Variants in DNM3 observed in about 807,000 individuals in gnomAD.
The protein encoded by DNM3 is dynamin 3, also known as dynamin-3.
Under a neutral mutation model 101.6 loss-of-function variants are expected in DNM3, and 47 were observed. That is an observed-to-expected ratio of 0.46 (90% CI 0.37 to 0.59). DNM3 has a LOEUF of 0.59. DNM3 is among the 20% of genes least tolerant of loss of function. The pLI is 0.00. For synonymous variants in DNM3, 385 were observed against 387.9 expected (o/e 0.99, Z 0.09); for missense variants, 849 against 1,085.7 (o/e 0.78, Z 3.06).
At chr1:172,170,249 T>C (rs2058904623) in intron 14 of DNM3, among the ~76,000 whole-genome samples, 1 of 151,932 alleles carries the variant, frequency 6.6e-6, no homozygotes, top group Non-Finnish European at 1.5e-5. Flanking sequence ...GGAGGTGCCA[T>C]TAATATTCCC....
At chr1:172,246,363 A>C (rs2061953643) in intron 14 of DNM3, among the ~76,000 whole-genome samples, 1 of 152,150 alleles carries the variant, frequency 6.6e-6, no homozygotes, top group Non-Finnish European at 1.5e-5. Context: ...TTTAATATAT[A>C]GGACTTGTCA....
intron 10 of DNM3, among the ~76,000 whole-genome samples, chr1:172,059,873 G>A (rs2051014188): frequency 2.3e-4 from 20 of 88,112 alleles, no homozygotes; most frequent in Middle Eastern, 5.2e-3. Flanking sequence ...AGGAAATAAA[G>A]GGTATTCAGT....
chr1:171,873,796 C>T (rs2035515390), intron 1 of DNM3, among the ~76,000 whole-genome samples: 1 of 152,058 alleles, frequency 6.6e-6, no homozygotes, highest in Non-Finnish European at 1.5e-5. Context: ...TTTCTTTTTC[C>T]CCTCAATGAC....
At chr1:172,163,871 GTATA>G (rs1258514401) in intron 14 of DNM3, among the ~76,000 whole-genome samples, 1 of 140,140 alleles carries the variant, frequency 7.1e-6, no homozygotes, top group Non-Finnish European at 1.5e-5. Flanking sequence ...TTTCATATGT[GTATA>G]TGTATGTGTA....
chr1:172,342,088 A>G (rs544228521), intron 17 of DNM3, among the ~76,000 whole-genome samples: 1 of 152,312 alleles, frequency 6.6e-6, no homozygotes, highest in East Asian at 1.9e-4. Context: ...TATGGCTACT[A>G]TTAAAAAAAT....
intron 2 of DNM3, among the ~76,000 whole-genome samples, chr1:171,937,112 C>G (rs140753813): frequency 6.6e-6 from 1 of 152,296 alleles, no homozygotes; most frequent in East Asian, 1.9e-4. Context: ...TCTCTAGTTT[C>G]ATAAATTAGA....
intron 14 of DNM3, among the ~76,000 whole-genome samples, chr1:172,200,171 G>A (rs1239637301): frequency 6.6e-6 from 1 of 152,046 alleles, no homozygotes; most frequent in East Asian, 1.9e-4. Flanking sequence ...ACGAAGCTTA[G>A]TTTGGCTGTA....
chr1:172,300,505 G>C (rs2064393332), intron 15 of DNM3, among the ~76,000 whole-genome samples: 1 of 152,022 alleles, frequency 6.6e-6, no homozygotes, highest in Non-Finnish European at 1.5e-5. Flanking sequence ...TTCTTCTGAA[G>C]TTCCCCACCT....
intron 17 of DNM3, among the ~76,000 whole-genome samples, chr1:172,334,396 G>T (rs1248672039): frequency 1.3e-5 from 2 of 152,140 alleles, no homozygotes; most frequent in Non-Finnish European, 2.9e-5. Context: ...GGCATTTAGT[G>T]GGTTGAAGCC....
chr1:172,166,675 T>G (rs1238958369), intron 14 of DNM3, among the ~76,000 whole-genome samples: 1 of 152,108 alleles, frequency 6.6e-6, no homozygotes, highest in Admixed American at 6.6e-5. Flanking sequence ...GAATTAATTA[T>G]ATGAATAATT....
rs1572049330 is a variant in DNM3, at chr1:172,006,025, A to G, written c.589+16877A>G. Among the ~76,000 whole-genome samples the G allele has an allele frequency of 2.6e-5, 4 of 152,140 alleles. No individual in the cohort carries two copies. The South Asian group carries it at 8.3e-4, about 32-fold the overall frequency. On this transcript the variant is annotated intron_variant, in intron 4 of 20. Transcript: ENST00000627582. ...TTTGTGGTCAATAGTCACTAATATG[A>G]GGTATGTGTTCAGGATTCCAAATAG...
intron 14 of DNM3, among the ~76,000 whole-genome samples, chr1:172,197,011 G>C (rs535298524): frequency 1.3e-5 from 2 of 152,080 alleles, no homozygotes; most frequent in Non-Finnish European, 2.9e-5. Flanking sequence ...GCATTGCCTA[G>C]GTTGTATTCT....
chr1:172,022,252 C>G (rs992710631), intron 4 of DNM3, among the ~76,000 whole-genome samples: 2 of 151,974 alleles, frequency 1.3e-5, no homozygotes, highest in Admixed American at 6.6e-5. Context: ...CCTATATGAG[C>G]CTGGCACATA....
In DNM3 at chr1:172,204,253, G is replaced by A. The variant is rs770366549; in HGVS notation, c.1660-49320G>A. Among the ~76,000 whole-genome samples, 173 of 151,612 alleles carry A rather than the reference G, an allele frequency of 1.1e-3. 1 individual carries two copies. In the Middle Eastern group the frequency reaches 0.034, roughly 30 times the overall value. On this transcript the variant is annotated intron_variant, in intron 14 of 20. Coordinates refer to ENST00000627582, the MANE Select transcript of DNM3 (RefSeq NM_015569.5). ...TTGTTTTTAGTGATATTGTCTTCTAGAACCTTAACTATTTTGCATAAACTG... is the reference window on the plus strand; with the variant it reads ...TTGTTTTTAGTGATATTGTCTTCTAAAACCTTAACTATTTTGCATAAACTG...
intron 2 of DNM3, among the ~76,000 whole-genome samples, chr1:171,952,901 T>C (rs1026612250): frequency 6.6e-6 from 1 of 152,174 alleles, no homozygotes; most frequent in African/African-American, 2.4e-5. Context: ...TCATCATTAA[T>C]AGAACCAGTT....
At chr1:172,395,007 C>A (rs1384075083) in intron 20 of DNM3, among the ~76,000 whole-genome samples, 1 of 152,104 alleles carries the variant, frequency 6.6e-6, no homozygotes, top group African/African-American at 2.4e-5. Flanking sequence ...TACAGGGAAA[C>A]CTTCACATTC....
rs543667029 is a variant in DNM3 at position 171,921,883 on chromosome 1, A to C, written c.235+62A>C. On this transcript the variant is annotated intron_variant, in intron 2 of 20. Coordinates refer to ENST00000627582, the MANE Select transcript of DNM3 (RefSeq NM_015569.5). Reference sequence around the variant, plus strand: ...ATCCTGTGGCCCCTTTTGCCTTCATAGGTGTGGGATTGTACAAATAGAAAC... The same window carrying C: ...ATCCTGTGGCCCCTTTTGCCTTCATCGGTGTGGGATTGTACAAATAGAAAC... 33 of 1,460,928 alleles carry C rather than the reference A, an allele frequency of 2.3e-5. No homozygotes were observed. The South Asian group carries it at 3.8e-4, about 17-fold the overall frequency. 90.5% of individuals were successfully genotyped at this position (1,460,928 alleles called of 1,614,324 possible). A position where few individuals can be genotyped will look rare whatever the true frequency, so the allele number is the denominator to read the frequency against.
chr1:171,841,579 C>T lies in DNM3; in HGVS notation c.-78C>T. 1.3e-6 allele frequency: 2 copies of T among 1,527,008 alleles called. No homozygotes were observed. Among genetic ancestry groups the T allele is most frequent in the Admixed American group, 2.1e-5 (1 of 47,036 alleles). 94.6% of individuals were successfully genotyped at this position (1,527,008 alleles called of 1,614,324 possible). Reference sequence around the variant, plus strand: ...CTGAGCCCGGCGCAGCAGCAGCAGCCAGGGCAGCGCGGCCCCTACTCCCTG... The same window carrying T: ...CTGAGCCCGGCGCAGCAGCAGCAGCTAGGGCAGCGCGGCCCCTACTCCCTG... On this transcript the variant is annotated 5_prime_UTR_variant, in exon 1 of 21. Coordinates refer to ENST00000627582, the MANE Select transcript of DNM3 (RefSeq NM_015569.5).
At position 171,973,990 on chromosome 1, in the gene DNM3, G is replaced by GTT. The variant is rs369504102; in HGVS notation, c.236-13657_236-13656dup. 9.0e-3 allele frequency among the ~76,000 whole-genome samples: 1,331 copies of GTT among 147,800 alleles called. 24 individuals are homozygous for GTT. The highest frequency in any genetic ancestry group is 0.031 in the African/African-American group (1,260 of 40,336). On this transcript the variant is annotated intron_variant, in intron 2 of 20. Transcript: ENST00000627582. ...CAAAGTCTTAATCACTAGTGTTTTT[G>GTT]TTTTTTTTTTAATCACTAGTGTTTT...
Sources: gnomAD v4.1 joint callset for allele counts (sites outside exome capture counted in the v4.1 genomes callset) on GRCh38, gnomAD v4.1.1 for gene constraint, MANE v1.5 for transcripts, NCBI Gene and HGNC (gene_info 2026-07-23, HGNC 2026-07-21) for gene names.